SOX5: variants seen among roughly 807,000 people sequenced by gnomAD.
SOX5 encodes SRY-box transcription factor 5.
Under a neutral mutation model 92.0 loss-of-function variants are expected in SOX5, and 9 were observed. The observed-to-expected ratio is 0.10, with a 90% confidence interval of 0.06 to 0.17. The LOEUF (loss-of-function observed/expected upper bound fraction) is 0.17, where lower values mean the gene tolerates loss of function less well. Ranked by LOEUF, SOX5 falls within the 10% of genes least tolerant of loss-of-function variation. SOX5 has a pLI of 1.00. For synonymous variants in SOX5, 344 were observed against 336.3 expected (o/e 1.02, Z -0.25); for missense variants, 642 against 944.5 (o/e 0.68, Z 4.20).
intron 4 of SOX5, among the ~76,000 whole-genome samples, chr12:23,970,834 A>T (rs1179428724): frequency 9.3e-5 from 1 of 10,756 alleles, no homozygotes; most frequent in Non-Finnish European, 5.4e-4. Context: ...CTTTATATAT[A>T]TATATAATTT....
intron 3 of SOX5, among the ~76,000 whole-genome samples, chr12:24,270,780 G>T (rs1175221755): frequency 1.3e-5 from 2 of 152,158 alleles, no homozygotes; most frequent in African/African-American, 2.4e-5. Flanking sequence ...ATATAATTTA[G>T]TTGGCCTAGA....
chr12:23,550,476 G>A (rs1003596010), intron 11 of SOX5, among the ~76,000 whole-genome samples: 4 of 151,752 alleles, frequency 2.6e-5, no homozygotes, highest in Non-Finnish European at 5.9e-5. Context: ...TGTCAGTGGG[G>A]AAAATTGAAA....
At position 24,408,061 on chromosome 12, in the gene SOX5, G is replaced by C. The variant is rs114748332; in HGVS notation, c.-250-39422C>G. ...CTCGATGAAGTGAATGAGCAGGCCA[G>C]AGAAAGGAATGTTCCAGACGAGGAA... On this transcript the variant is annotated intron_variant, in intron 1 of 4. Coordinates refer to the SOX5 transcript ENST00000446891. 5.8e-3 allele frequency among the ~76,000 whole-genome samples: 889 copies of C among 152,248 alleles called. 7 individuals are homozygous for C. Among genetic ancestry groups the C allele is most frequent in the African/African-American group, 0.019 (804 of 41,552 alleles).
intron 4 of SOX5, among the ~76,000 whole-genome samples, chr12:24,075,976 A>C (rs1361241018): frequency 6.6e-6 from 1 of 152,174 alleles, no homozygotes; most frequent in African/African-American, 2.4e-5. Flanking sequence ...TTAGATATGG[A>C]GTAAAGGAGG....
Position 23,636,965 on chromosome 12 carries a change from A to G in SOX5, c.1017+3847T>C, listed in dbSNP as rs561819481. Among the ~76,000 whole-genome samples, 5 of 152,340 alleles carry G rather than the reference A, an allele frequency of 3.3e-5. No individual in the cohort carries two copies. In the East Asian group the frequency reaches 9.6e-4, roughly 29 times the overall value. On this transcript the variant is annotated intron_variant, in intron 8 of 14. Coordinates refer to ENST00000451604, the MANE Select transcript of SOX5 (RefSeq NM_006940.6). ...TAACACAAAACGTAATATGAATTAA[A>G]TAAGATAATCCTCGGAAAATCTTTA...
intron 1 of SOX5, among the ~76,000 whole-genome samples, chr12:24,515,152 G>A (rs566314370): frequency 6.6e-6 from 1 of 152,310 alleles, no homozygotes; most frequent in African/African-American, 2.4e-5. Context: ...TCCAGAGGCA[G>A]TATAATGTAG....
chr12:24,418,719 C>T (rs1965433800), intron 1 of SOX5, among the ~76,000 whole-genome samples: 1 of 152,166 alleles, frequency 6.6e-6, no homozygotes. Flanking sequence ...TATTATTAAA[C>T]TGGTTTGACT....
chr12:24,247,416 G>A (rs1441153209), intron 3 of SOX5, among the ~76,000 whole-genome samples: 2 of 152,098 alleles, frequency 1.3e-5, no homozygotes, highest in African/African-American at 4.8e-5. Flanking sequence ...AGGAGTTCTT[G>A]CAGCACAGGG....
At chr12:23,573,861 G>A (rs548433169) in intron 10 of SOX5, among the ~76,000 whole-genome samples, 7 of 152,166 alleles carry the variant, frequency 4.6e-5, no homozygotes, top group South Asian at 2.1e-4. Flanking sequence ...ATGTGGCAAA[G>A]AACCGAGACC....
At chr12:23,768,502 A>G (rs980291140) in intron 3 of SOX5, among the ~76,000 whole-genome samples, 19 of 152,298 alleles carry the variant, frequency 1.2e-4, no homozygotes, top group African/African-American at 4.1e-4. Flanking sequence ...GGCCTCAACT[A>G]ATTGGAAGAA....
intron 4 of SOX5, among the ~76,000 whole-genome samples, chr12:24,066,366 A>G (rs2137351366): frequency 6.6e-6 from 1 of 152,330 alleles, no homozygotes; most frequent in East Asian, 1.9e-4. Flanking sequence ...ATCAACCATG[A>G]AAATGAAAAT....
chr12:24,495,768 T>C (rs1947567026), intron 1 of SOX5, among the ~76,000 whole-genome samples: 1 of 152,144 alleles, frequency 6.6e-6, no homozygotes, highest in Non-Finnish European at 1.5e-5. Flanking sequence ...CAAGAGAAGG[T>C]GTATATTTGA....
intron 6 of SOX5, among the ~76,000 whole-genome samples, chr12:23,717,638 G>C (rs1001025048): frequency 6.6e-6 from 1 of 152,156 alleles, no homozygotes; most frequent in Admixed American, 6.5e-5. Flanking sequence ...GAGTCCCTAT[G>C]AGTAGGAGCA....
At chr12:24,331,209 T>C (rs746490874) in intron 2 of SOX5, 3 of 152,176 alleles carry the variant, frequency 2.0e-5, no homozygotes, top group Non-Finnish European at 2.9e-5. Context: ...GTATGGAAAT[T>C]AGCATTCCAG....
intron 3 of SOX5, among the ~76,000 whole-genome samples, chr12:23,830,337 C>G (rs1445372462): frequency 1.3e-5 from 2 of 152,098 alleles, no homozygotes; most frequent in African/African-American, 2.4e-5. Context: ...AGGTTAGACT[C>G]TAGCTTGCTC....
intron 6 of SOX5, among the ~76,000 whole-genome samples, chr12:23,715,948 G>T (rs1290560591): frequency 6.6e-6 from 1 of 151,832 alleles, no homozygotes; most frequent in Admixed American, 6.6e-5. Context: ...TTTGGGCTCA[G>T]ATTAAATATT....
intron 6 of SOX5, among the ~76,000 whole-genome samples, chr12:23,715,821 A>AAAAAAAAC (rs1567181189): frequency 1.1e-3 from 158 of 143,132 alleles, no homozygotes; most frequent in African/African-American, 4.3e-3. Flanking sequence ...AAAAAAAAAA[A>AAAAAAAAC]AAAAAAAAAA....
In SOX5 at chr12:24,111,788, A is replaced by G. The variant is rs1474848548; in HGVS notation, c.-2+101555T>C. Among the ~76,000 whole-genome samples, 12 of 152,160 alleles carry G rather than the reference A, an allele frequency of 7.9e-5. 1 individual carries two copies. The highest frequency in any genetic ancestry group is 5.9e-4 in the Admixed American group (9 of 15,268). On this transcript the variant is annotated intron_variant, in intron 4 of 4. Transcript: ENST00000446891. ...GTGATGACTCATGAGGCCCTCAAAA[A>G]CTTTCCGTTTCCTTTACTATTCACA...
chr12:24,553,095 A>G (rs943299185), intron 1 of SOX5, among the ~76,000 whole-genome samples: 8 of 152,234 alleles, frequency 5.3e-5, no homozygotes, highest in African/African-American at 1.7e-4. Context: ...ATAGCTTTCA[A>G]TAACTATTTC....
Sources: allele counts gnomAD v4.1 joint callset (sites outside exome capture counted in the v4.1 genomes callset), GRCh38; gene constraint gnomAD v4.1.1; transcripts MANE v1.5; gene names NCBI Gene and HGNC (gene_info 2026-07-23, HGNC 2026-07-21).